The following CDK19 variants were observed in gnomAD, a reference collection of about 807,000 sequenced individuals.
The protein encoded by CDK19 is cyclin dependent kinase 19, also known as cyclin-dependent kinase 19.
A neutral mutation model predicts 68.3 loss-of-function variants in CDK19; 20 were observed. The ratio of observed to expected loss-of-function variants is 0.29; its 90% CI spans 0.21 to 0.43. The LOEUF is 0.43. Ranked by LOEUF, CDK19 falls within the 20% of genes least tolerant of loss-of-function variation. CDK19 has a pLI of 1.00. For missense variants in CDK19, 339 were observed against 623.5 expected, an observed-to-expected ratio of 0.54 and a Z score of 4.86; for synonymous variants, 221 against 222.8, an observed-to-expected ratio of 0.99 and a Z score of 0.07.
rs1778699711 is a variant in CDK19, at chr6:110,621,287, T to A, written c.1194A>T (p.Pro398=). 2 of 1,611,156 alleles carry A rather than the reference T, an allele frequency of 1.2e-6. No homozygotes were observed. The highest frequency in any genetic ancestry group is 4.5e-5 in the East Asian group (2 of 44,826). Residue 398 remains proline (P), a synonymous_variant, in exon 12 of 13, where the codon CCA becomes CCT. Coordinates refer to ENST00000368911, the MANE Select transcript of CDK19 (RefSeq NM_015076.5). The surrounding 1 kb of genome is among the most constrained non-coding windows in gnomAD (Gnocchi z 5.4). ...QAAAPPQAPP[P]QQNSTQTNGT... The stretch of plus-strand genomic sequence containing the variant: ...CGTTGGTCTGGGTGCTGTTCTGCTG[T>A]GGTGGGGGCGCCTGTGGAGGGGCTG...
intron 2 of CDK19, among the ~76,000 whole-genome samples, chr6:110,706,076 A>T (rs60836105): frequency 0.015 from 2,247 of 152,226 alleles, 40 homozygotes; most frequent in Middle Eastern, 0.044. Flanking sequence ...TGTTTTTGAG[A>T]CGGAGTCTTG....
intron 12 of CDK19, among the ~76,000 whole-genome samples, chr6:110,619,400 G>T (rs1778567287): frequency 6.6e-6 from 1 of 152,074 alleles, no homozygotes; most frequent in South Asian, 2.1e-4. Flanking sequence ...GTAAAGAAAG[G>T]CAGGTTTATT....
At chr6:110,684,457 G>T (rs1772283962) in intron 2 of CDK19, among the ~76,000 whole-genome samples, 1 of 148,492 alleles carries the variant, frequency 6.7e-6, no homozygotes, top group Non-Finnish European at 1.5e-5. Context: ...GGGGAATAAG[G>T]GGTGGGGGAC....
chr6:110,612,062 G>C lies in CDK19; in HGVS notation c.*2473C>G, dbSNP rs1778053806. 1 of 152,140 alleles carries C rather than the reference G, an allele frequency of 6.6e-6. No individual in the cohort carries two copies. The highest frequency in any genetic ancestry group is 2.4e-5 in the African/African-American group (1 of 41,408). 9.4% of individuals were successfully genotyped at this position (152,140 alleles called of 1,614,324 possible). On this transcript the variant is annotated 3_prime_UTR_variant, in exon 13 of 13. Coordinates refer to ENST00000368911, the MANE Select transcript of CDK19 (RefSeq NM_015076.5). ...AAGTCATTATATACAAGGAAAACAGGGTAGTTCTGTGAATGTATAAGCGTA... is the reference window on the plus strand; with the variant it reads ...AAGTCATTATATACAAGGAAAACAGCGTAGTTCTGTGAATGTATAAGCGTA...
At chr6:110,704,030 G>A (rs1471561214) in intron 2 of CDK19, among the ~76,000 whole-genome samples, 2 of 152,134 alleles carry the variant, frequency 1.3e-5, no homozygotes, top group East Asian at 3.8e-4. Context: ...AATATTGACA[G>A]AAGACCACAT....
rs115284705 is a variant in CDK19 at position 110,660,771 on chromosome 6, G to A, written c.456+6663C>T. On this transcript the variant is annotated intron_variant, in intron 4 of 12. Transcript: ENST00000368911. ...CCTCCAGCTGCTTCTCCTCTCTGCC[G>A]GCTGAGCCTGAGGTTTTTATGGGCA... 2.8e-3 allele frequency among the ~76,000 whole-genome samples: 428 copies of A among 152,270 alleles called. 2 individuals are homozygous for A. Among genetic ancestry groups the A allele is most frequent in the African/African-American group, 8.6e-3 (357 of 41,530 alleles).
At chr6:110,769,871 A>G (rs1779884926) in intron 1 of CDK19, among the ~76,000 whole-genome samples, 2 of 152,194 alleles carry the variant, frequency 1.3e-5, no homozygotes, top group South Asian at 4.1e-4. Flanking sequence ...ATAAGAATGC[A>G]TAATTCAACA....
Position 110,746,126 on chromosome 6 carries a change from T to C in CDK19, c.204A>G (p.Ala68=). The C allele has an allele frequency of 1.3e-6, 2 of 1,550,104 alleles. No homozygotes were observed. Among genetic ancestry groups the C allele is most frequent in the Non-Finnish European group, 1.8e-6 (2 of 1,137,340 alleles). ...GISMSACREI[A]LLRELKHPNV... Reference sequence around the variant, plus strand: ...AATAACTGTATTTGTATCCACTTACTGCAATCTCTCTACAAGCCGACATGG... The same window carrying C: ...AATAACTGTATTTGTATCCACTTACCGCAATCTCTCTACAAGCCGACATGG... The change falls in exon 2 of 13, where the codon GCA becomes GCG. Residue 68 remains alanine (A), a splice_region_variant and synonymous_variant. Coordinates refer to ENST00000368911, the MANE Select transcript of CDK19 (RefSeq NM_015076.5).
intron 1 of CDK19, among the ~76,000 whole-genome samples, chr6:110,799,662 A>G (rs1214051320): frequency 1.3e-5 from 2 of 152,046 alleles, no homozygotes; most frequent in Admixed American, 1.3e-4. Flanking sequence ...CAATGGCACA[A>G]TCTCGGCTCA....
At chr6:110,651,266 C>CT (rs1780952851) in intron 4 of CDK19, among the ~76,000 whole-genome samples, 1 of 87,536 alleles carries the variant, frequency 1.1e-5, no homozygotes, top group African/African-American at 4.7e-5. Flanking sequence ...TCTATCTATC[C>CT]GTCTAACACC....
chr6:110,650,915 T>G (rs547679684), intron 4 of CDK19, among the ~76,000 whole-genome samples: 3 of 152,058 alleles, frequency 2.0e-5, no homozygotes, highest in Non-Finnish European at 4.4e-5. Flanking sequence ...GCTTTGGCAG[T>G]TGGGGAGGAC....
Position 110,670,534 on chromosome 6 carries a change from C to A in CDK19, c.212G>T (p.Arg71Leu). 1 of 1,601,868 alleles carries A rather than the reference C, an allele frequency of 6.2e-7. No homozygotes were observed. The highest frequency in any genetic ancestry group is 1.1e-5 in the South Asian group (1 of 90,778). Residue 71 changes from arginine to leucine, a missense_variant, in exon 3 of 13, where the codon CGA (arginine) becomes CTA (leucine). This residue lies in a region of CDK19 where 120 missense variants were observed against 224.0 expected (regional missense o/e 0.54). Coordinates refer to ENST00000368911, the MANE Select transcript of CDK19 (RefSeq NM_015076.5). ...MSACREIALL[R>L]ELKHPNVIAL... The stretch of plus-strand genomic sequence containing the variant: ...AATCACATTAGGGTGCTTCAATTCT[C>A]GCAAAAGCTGAATGCAAAAGAAAGA...
rs529565300 is a variant in CDK19 at position 110,796,076 on chromosome 6, C to T, written c.128+18933G>A. Among the ~76,000 whole-genome samples, 12 of 152,346 alleles carry T rather than the reference C, an allele frequency of 7.9e-5. No individual in the cohort carries two copies. The South Asian group carries it at 1.9e-3, about 24-fold the overall frequency. On this transcript the variant is annotated intron_variant, in intron 1 of 12. Transcript: ENST00000368911. ...ACAGACTGCTGGGCACGGTGGCTCA[C>T]GCCTGTAATCCCAGTACTTTGGGAG...
chr6:110,809,534 A>G (rs1422040253), intron 1 of CDK19, among the ~76,000 whole-genome samples: 3 of 152,212 alleles, frequency 2.0e-5, no homozygotes, highest in Non-Finnish European at 4.4e-5. Context: ...AAAAATGAAA[A>G]AAGAAATTTA....
Position 110,726,368 on chromosome 6 carries a change from G to C in CDK19, c.204+19758C>G, listed in dbSNP as rs188148015. 1.7e-3 allele frequency among the ~76,000 whole-genome samples: 266 copies of C among 152,228 alleles called. 3 individuals carry two copies. The highest frequency in any genetic ancestry group is 1.9e-3 in the Non-Finnish European group (128 of 68,004). Reference sequence around the variant, plus strand: ...AAAGGAAAGGACACTGATGTGTGTTGAAACTCTGAAACACTATCTCTATTC... The same window carrying C: ...AAAGGAAAGGACACTGATGTGTGTTCAAACTCTGAAACACTATCTCTATTC... On this transcript the variant is annotated intron_variant, in intron 2 of 12. Coordinates refer to ENST00000368911, the MANE Select transcript of CDK19 (RefSeq NM_015076.5).
At position 110,688,464 on chromosome 6, in the gene CDK19, T is replaced by G. The variant is rs915083339; in HGVS notation, c.205-17923A>C. On this transcript the variant is annotated intron_variant, in intron 2 of 12. Transcript: ENST00000368911. Reference sequence around the variant, plus strand: ...GTAGAGACTCACTCTGGGAACTTTTTTCCAAGAAGCAACGCAGGAACTTAG... The same window carrying G: ...GTAGAGACTCACTCTGGGAACTTTTGTCCAAGAAGCAACGCAGGAACTTAG... 9.2e-5 allele frequency among the ~76,000 whole-genome samples: 14 copies of G among 152,210 alleles called. No individual in the cohort carries two copies. The South Asian group carries it at 2.7e-3, about 29-fold the overall frequency.
intron 4 of CDK19, among the ~76,000 whole-genome samples, chr6:110,651,849 A>G (rs1780991919): frequency 6.6e-6 from 1 of 152,218 alleles, no homozygotes; most frequent in African/African-American, 2.4e-5. Flanking sequence ...TTTTAACTAC[A>G]GTTTTAGTTT....
chr6:110,693,798 C>T (rs752540548), intron 2 of CDK19, among the ~76,000 whole-genome samples: 3 of 152,172 alleles, frequency 2.0e-5, no homozygotes, highest in Non-Finnish European at 4.4e-5. Context: ...TGGTTTTTCT[C>T]TACCTGCCCA....
chr6:110,798,012 AAAAG>A lies in CDK19; in HGVS notation c.128+16993_128+16996del, dbSNP rs760890902. Among the ~76,000 whole-genome samples the A allele has an allele frequency of 5.7e-3, 868 of 151,396 alleles. 4 individuals are homozygous for A. The highest frequency in any genetic ancestry group is 8.1e-3 in the Admixed American group (123 of 15,178). ...AAAAAAAAAAAAAAAAAAAGAAAGA[AAAAG>A]AAAGAAATATATATGGTTTGGATGT... is the stretch of plus-strand genomic sequence containing the variant. On this transcript the variant is annotated intron_variant, in intron 1 of 12. Transcript: ENST00000368911.
Sources: allele counts gnomAD v4.1 joint callset (sites outside exome capture counted in the v4.1 genomes callset), GRCh38; gene constraint gnomAD v4.1.1; regional missense constraint gnomAD v4.1.1; non-coding constraint Gnocchi (gnomAD v3.1); transcripts MANE v1.5; gene names NCBI Gene and HGNC (gene_info 2026-07-23, HGNC 2026-07-21).